The following PACRG variants were observed in gnomAD, a reference collection of about 807,000 sequenced individuals.
PACRG encodes the protein parkin coregulated gene protein.
In PACRG, 29 loss-of-function variants were observed where a neutral mutation model predicts 29.7. The observed-to-expected ratio is 0.98, with a 90% CI of 0.73 to 1.33. The LOEUF (loss-of-function observed/expected upper bound fraction) is 1.33. PACRG is among the 40% of genes most tolerant of loss of function. The pLI, the probability that PACRG is intolerant of heterozygous loss-of-function variation, is 0.00. For synonymous variants in PACRG, 116 were observed against 118.7 expected (o/e 0.98, Z 0.15); for missense variants, 279 against 316.2 (o/e 0.88, Z 0.89).
chr6:162,979,075 A>G (rs1490859693), intron 2 of PACRG, among the ~76,000 whole-genome samples: 2 of 152,174 alleles, frequency 1.3e-5, no homozygotes, highest in Non-Finnish European at 2.9e-5. Flanking sequence ...TCCTCTTCTC[A>G]TTGTTTTGAT....
At chr6:162,747,883 C>G (rs959496523) in intron 1 of PACRG, among the ~76,000 whole-genome samples, 3 of 151,982 alleles carry the variant, frequency 2.0e-5, no homozygotes, top group African/African-American at 7.3e-5. Flanking sequence ...TTCTTAGTCT[C>G]CCATTAGGAG....
intron 1 of PACRG, among the ~76,000 whole-genome samples, chr6:162,793,922 T>C (rs892974963): frequency 1.3e-5 from 2 of 152,220 alleles, no homozygotes; most frequent in African/African-American, 2.4e-5. Flanking sequence ...TGAAAGAATC[T>C]ATACAACAGA....
At position 162,898,282 on chromosome 6, in the gene PACRG, A is replaced by C. The variant is rs73605846; in HGVS notation, c.291+84001A>C. Among the ~76,000 whole-genome samples the C allele has an allele frequency of 6.2e-3, 950 of 152,272 alleles. 9 individuals carry two copies. The highest frequency in any genetic ancestry group is 0.021 in the African/African-American group (889 of 41,550). On this transcript the variant is annotated intron_variant, in intron 2 of 4. Coordinates refer to ENST00000366888, the MANE Select transcript of PACRG (RefSeq NM_001080379.2). ...AGTGGGTTGCTGTAGTGGAAGAAGC[A>C]CTGAAGAGTCCCAAGCGTAGGTTGA...
At chr6:163,169,260 A>G (rs951565010) in intron 4 of PACRG, among the ~76,000 whole-genome samples, 2 of 152,236 alleles carry the variant, frequency 1.3e-5, no homozygotes, top group Non-Finnish European at 1.5e-5. Context: ...ACTACGGTTC[A>G]TGGAGTCACA....
chr6:162,857,766 CTGT>C (rs1791524384), intron 2 of PACRG, among the ~76,000 whole-genome samples: 1 of 117,376 alleles, frequency 8.5e-6, no homozygotes, highest in Admixed American at 8.0e-5. Flanking sequence ...TCCATTTGCT[CTGT>C]TTTTTTTTTT....
intron 2 of PACRG, among the ~76,000 whole-genome samples, chr6:162,892,615 A>G (rs1170454404): frequency 1.3e-5 from 2 of 152,102 alleles, no homozygotes; most frequent in Non-Finnish European, 2.9e-5. Flanking sequence ...CTCATGCCGC[A>G]TTGCCATGGA....
At chr6:163,177,858 C>T (rs1779460116) in intron 4 of PACRG, among the ~76,000 whole-genome samples, 1 of 151,860 alleles carries the variant, frequency 6.6e-6, no homozygotes, top group African/African-American at 2.4e-5. Flanking sequence ...ACAGCACACA[C>T]GCTTCCCTCC....
intron 4 of PACRG, among the ~76,000 whole-genome samples, chr6:163,214,741 C>A (rs1044906972): frequency 4.0e-5 from 6 of 151,824 alleles, no homozygotes; most frequent in Non-Finnish European, 5.9e-5. Flanking sequence ...TGTTGTAATT[C>A]TTCTTTCCAG....
At chr6:162,825,106 CT>C (rs1788166347) in intron 2 of PACRG, among the ~76,000 whole-genome samples, 1 of 151,932 alleles carries the variant, frequency 6.6e-6, no homozygotes, top group South Asian at 2.1e-4. Context: ...TAAATTTTAC[CT>C]TTAAAATGAC....
At chr6:162,773,494 ATTTTTTTTTTTTTTTTTTTTTTTTTTTTT>A (rs71008110) in intron 1 of PACRG, among the ~76,000 whole-genome samples, 1 of 65,998 alleles carries the variant, frequency 1.5e-5, no homozygotes, top group Admixed American at 2.9e-4. Context: ...ACAGCTTGTC[ATTTTTTTTTTTTTTTTTTTTTTTTTTTTT>A]TTGAGACGGA....
chr6:162,814,126 A>G, intron 1 of PACRG, 21 bp from the exon 2 acceptor site: 1 of 1,230,248 alleles, frequency 8.1e-7, no homozygotes, highest in Middle Eastern at 2.1e-4. Flanking sequence ...CCTGATCCCT[A>G]TTTTTTTTTT....
chr6:163,221,855 G>A (rs1054429073), intron 4 of PACRG, among the ~76,000 whole-genome samples: 15 of 152,180 alleles, frequency 9.9e-5, no homozygotes, highest in African/African-American at 3.6e-4. Flanking sequence ...GGAGAGAAGA[G>A]CTGAGGATAC....
chr6:163,088,495 G>A (rs1043907359), intron 3 of PACRG, among the ~76,000 whole-genome samples: 1 of 152,146 alleles, frequency 6.6e-6, no homozygotes, highest in African/African-American at 2.4e-5. Context: ...ACCTCGCACA[G>A]CCAGTTATCA....
chr6:163,239,061 C>T (rs1418539068), intron 4 of PACRG, among the ~76,000 whole-genome samples: 2 of 152,146 alleles, frequency 1.3e-5, no homozygotes, highest in Non-Finnish European at 2.9e-5. Flanking sequence ...GTGAAAGAAG[C>T]GTTTCAAAGT....
intron 4 of PACRG, among the ~76,000 whole-genome samples, chr6:163,299,542 A>C (rs1371257781): frequency 6.6e-6 from 1 of 152,092 alleles, no homozygotes; most frequent in Non-Finnish European, 1.5e-5. Context: ...TGACTCCCCA[A>C]ATTCCCACCA....
chr6:163,256,552 A>G (rs1012785266), intron 4 of PACRG, among the ~76,000 whole-genome samples: 1 of 152,202 alleles, frequency 6.6e-6, no homozygotes, highest in Non-Finnish European at 1.5e-5. Context: ...CAAGAAGGGG[A>G]CATTGACAAA....
chr6:163,207,925 A>T (rs1371867055), intron 4 of PACRG, among the ~76,000 whole-genome samples: 1 of 152,242 alleles, frequency 6.6e-6, no homozygotes, highest in Non-Finnish European at 1.5e-5. Flanking sequence ...CAAGCTCTCA[A>T]TCTGTGGATA....
At chr6:162,924,243 C>G (rs2137877) in intron 2 of PACRG, among the ~76,000 whole-genome samples, 65,248 of 151,850 alleles carry the variant, frequency 0.43, 14,817 homozygotes, top group East Asian at 0.53. Context: ...GATTTGCATC[C>G]TGTGCCTTTA....
At chr6:162,732,678 GAACTA>G (rs1426791408) in intron 1 of PACRG, among the ~76,000 whole-genome samples, 1 of 152,182 alleles carries the variant, frequency 6.6e-6, no homozygotes, top group East Asian at 1.9e-4. Context: ...AAGTGGCGAT[GAACTA>G]ATGGGTGCCC....
Sources: gnomAD v4.1 joint callset for allele counts (sites outside exome capture counted in the v4.1 genomes callset) on GRCh38, gnomAD v4.1.1 for gene constraint, MANE v1.5 for transcripts, NCBI Gene and HGNC (gene_info 2026-07-23, HGNC 2026-07-21) for gene names.